TMEM235: variants seen among roughly 807,000 people sequenced by gnomAD.
The protein encoded by TMEM235 is claudin-27.
A neutral mutation model predicts 22.9 loss-of-function variants in TMEM235; 23 were observed. The observed-to-expected ratio is 1.00, with a 90% confidence interval of 0.72 to 1.42. The LOEUF is 1.42. TMEM235 is among the 40% of genes most tolerant of loss of function. TMEM235 has a pLI of 0.00. For missense variants in TMEM235, 308 were observed against 299.5 expected, an observed-to-expected ratio of 1.03 and a Z score of -0.21; for synonymous variants, 137 against 140.5, an observed-to-expected ratio of 0.98 and a Z score of 0.17.
At chr17:78,236,477 G>A (rs2076645313) in intron 4 of TMEM235, among the ~76,000 whole-genome samples, 1 of 152,174 alleles carries the variant, frequency 6.6e-6, no homozygotes, top group African/African-American at 2.4e-5. Flanking sequence ...GTGCTCCTCC[G>A]AAGGCTCCTC....
At chr17:78,239,908 G>C in exon 6 of TMEM235, 2 of 1,551,286 alleles carry the variant, frequency 1.3e-6, no homozygotes, top group Non-Finnish European at 1.7e-6. Context: ...CAGGCTTGGT[G>C]GAGAAGAGGC....
intron 2 of TMEM235, among the ~76,000 whole-genome samples, chr17:78,232,881 C>T (rs1051032138): frequency 7.2e-5 from 11 of 151,962 alleles, no homozygotes; most frequent in Admixed American, 2.6e-4. Flanking sequence ...GTGTGAGCAC[C>T]TGGCTGTGTA....
chr17:78,231,904 G>A lies in TMEM235; in HGVS notation c.-120G>A, dbSNP rs1364413884. The A allele has an allele frequency of 6.9e-5, 69 of 995,352 alleles. No homozygotes were observed. In the South Asian group the frequency reaches 1.1e-3, roughly 15 times the overall value. The allele number at this position is 995,352 out of a possible 1,614,324, so 61.7% of individuals were successfully genotyped here. On this transcript the variant is annotated 5_prime_UTR_variant, in exon 2 of 6. Transcript: ENST00000421688. ...GCGGGCAGGAGCGGGGACGTGCTCA[G>A]AAGAGCCGGGCGCCGCCGCGCCCGC...
intron 3 of TMEM235, 51 bp from the exon 3 acceptor site, chr17:78,234,542 C>T: frequency 1.3e-6 from 2 of 1,533,004 alleles, no homozygotes; most frequent in Non-Finnish European, 1.7e-6. Context: ...CAGACAAGTG[C>T]TGAAGGGCCC....
At chr17:78,232,001 G>A (rs2076586252) in exon 2 of TMEM235, 6 of 1,017,166 alleles carry the variant, frequency 5.9e-6, no homozygotes, top group Non-Finnish European at 4.7e-6. Context: ...CCCCCGACCC[G>A]TCCCCTCCCG....
At chr17:78,240,932 A>G (rs1482944473) in exon 6 of TMEM235, 2 of 152,230 alleles carry the variant, frequency 1.3e-5, no homozygotes, top group Non-Finnish European at 2.9e-5. Context: ...ACTTTTCAAA[A>G]TAGGTAACAC....
exon 3 of TMEM235, chr17:78,233,957 T>G: frequency 6.5e-7 from 1 of 1,532,392 alleles, no homozygotes; most frequent in Non-Finnish European, 8.7e-7. Context: ...CGTCTCCACC[T>G]CGGTGCAGCA....
rs2076669004 is a variant in TMEM235 at position 78,238,513 on chromosome 17, G to A, written c.410-511G>A. Among the ~76,000 whole-genome samples, 1 of 151,776 alleles carries A rather than the reference G, an allele frequency of 6.6e-6. No individual in the cohort carries two copies. ...AGGGCAGGGACTCACTCTGATCAGA[G>A]CACTGGGCAACGCTGCTGCCAGCAG... On this transcript the variant is annotated intron_variant, in intron 4 of 5. Coordinates refer to ENST00000421688, the Ensembl canonical transcript of TMEM235. The surrounding 1 kb of genome is among the most constrained non-coding windows in gnomAD (Gnocchi z 4.3).
intron 2 of TMEM235, 90 bp downstream of exon 1, chr17:78,232,303 G>C: frequency 7.9e-7 from 1 of 1,266,358 alleles, no homozygotes; most frequent in Non-Finnish European, 1.0e-6. Flanking sequence ...TGCCCCGCCA[G>C]ACCCCCTTCC....
chr17:78,239,161 G>A (rs2076680562), exon 5 of TMEM235: 1 of 1,542,744 alleles, frequency 6.5e-7, no homozygotes, highest in Non-Finnish European at 8.7e-7. Context: ...CCTGGCCTGG[G>A]GCTCCTGTGC....
In TMEM235 at chr17:78,237,524, G is replaced by T. The variant is rs1191481509; in HGVS notation, c.410-1500G>T. 6.6e-6 allele frequency among the ~76,000 whole-genome samples: 1 copy of T among 152,136 alleles called. No homozygotes were observed. The stretch of plus-strand genomic sequence containing the variant: ...AGCTTACTCTTCACCTTCATTTTGG[G>T]AGAAAGGCCGTGTCCTCGGCCAGGC... On this transcript the variant is annotated intron_variant, in intron 4 of 5. Transcript: ENST00000421688. The surrounding 1 kb of genome is among the most constrained non-coding windows in gnomAD (Gnocchi z 4.7).
chr17:78,240,360 A>C, exon 6 of TMEM235: 1 of 194,308 alleles, frequency 5.1e-6, no homozygotes, highest in Non-Finnish European at 1.1e-5. Flanking sequence ...AGGCTTGTTA[A>C]ACACAGGGCA....
Position 78,238,347 on chromosome 17 carries a change from G to A in TMEM235, c.410-677G>A, listed in dbSNP as rs764726810. Among the ~76,000 whole-genome samples, 13 of 152,080 alleles carry A rather than the reference G, an allele frequency of 8.5e-5. No homozygotes were observed. The highest frequency in any genetic ancestry group is 3.1e-4 in the African/African-American group (13 of 41,414). Reference sequence around the variant, plus strand: ...GGAGGGAGGAGAGAGGAGGGCCCAGGGCAGGCATCCTCCCCTGGGGAAGGG... The same window carrying A: ...GGAGGGAGGAGAGAGGAGGGCCCAGAGCAGGCATCCTCCCCTGGGGAAGGG... On this transcript the variant is annotated intron_variant, in intron 4 of 5. Transcript: ENST00000421688. The surrounding 1 kb of genome is among the most constrained non-coding windows in gnomAD (Gnocchi z 4.3).
chr17:78,235,387 G>C (rs924322066), intron 4 of TMEM235, among the ~76,000 whole-genome samples: 13 of 151,652 alleles, frequency 8.6e-5, no homozygotes, highest in African/African-American at 3.2e-4. Context: ...TCCTGGGTTC[G>C]AGCAATTCTC....
Position 78,238,515 on chromosome 17 carries a change from A to C in TMEM235, c.410-509A>C, listed in dbSNP as rs937862293. Among the ~76,000 whole-genome samples the C allele has an allele frequency of 3.3e-5, 5 of 150,680 alleles. No individual in the cohort carries two copies. Among genetic ancestry groups the C allele is most frequent in the Admixed American group, 1.3e-4 (2 of 15,112 alleles). ...GGCAGGGACTCACTCTGATCAGAGC[A>C]CTGGGCAACGCTGCTGCCAGCAGAG... On this transcript the variant is annotated intron_variant, in intron 4 of 5. Transcript: ENST00000421688. This position sits in a 1 kb window ranked among gnomAD's most constrained non-coding sequence, Gnocchi z 4.3.
At chr17:78,239,788 A>G in exon 6 of TMEM235, 1 of 1,545,994 alleles carries the variant, frequency 6.5e-7, no homozygotes, top group Non-Finnish European at 8.8e-7. Context: ...AGAGGGGGAG[A>G]CTGAGGCCCA....
chr17:78,236,143 G>T (rs2145921473), intron 4 of TMEM235, among the ~76,000 whole-genome samples: 1 of 152,362 alleles, frequency 6.6e-6, no homozygotes, highest in South Asian at 2.1e-4. Flanking sequence ...CCTGGGACAG[G>T]GAGGAGCACC....
exon 2 of TMEM235, chr17:78,232,098 G>T (rs1211188799): frequency 6.8e-7 from 1 of 1,470,082 alleles, no homozygotes; most frequent in East Asian, 3.0e-5. Flanking sequence ...TGGCCGCCGC[G>T]GTCGCCAGCG....
Position 78,231,615 on chromosome 17 carries a change from C to A in TMEM235, c.-409C>A. On this transcript the variant is annotated 5_prime_UTR_variant, in exon 2 of 6. Coordinates refer to ENST00000421688, the Ensembl canonical transcript of TMEM235. ...CTCCTGGGGTCGGTCTCTGGCCGAT[C>A]CTCCCTCCTCCTCTCAAGCCCTGCA... is the stretch of plus-strand genomic sequence containing the variant. 1 of 1,303,582 alleles carries A rather than the reference C, an allele frequency of 7.7e-7. No individual in the cohort carries two copies. The highest frequency in any genetic ancestry group is 1.0e-6 in the Non-Finnish European group (1 of 988,238). 80.8% of individuals were successfully genotyped at this position (1,303,582 alleles called of 1,614,324 possible).
Sources: allele counts gnomAD v4.1 joint callset (sites outside exome capture counted in the v4.1 genomes callset), GRCh38; gene constraint gnomAD v4.1.1; non-coding constraint Gnocchi (gnomAD v3.1); transcripts MANE v1.5; gene names NCBI Gene and HGNC (gene_info 2026-07-23, HGNC 2026-07-21).